Variants in DLGAP1 observed in about 807,000 individuals in gnomAD.
DLGAP1 encodes the protein disks large-associated protein 1.
DLGAP1 carries 11 observed loss-of-function variants against 90.8 expected under a neutral mutation model. The ratio of observed to expected loss-of-function variants is 0.12; its 90% CI spans 0.08 to 0.20. The LOEUF (loss-of-function observed/expected upper bound fraction) is 0.20. Among genes scored for constraint, DLGAP1 ranks in the 10% least tolerant of loss-of-function variants. The probability of loss-of-function intolerance (pLI) is 1.00; values close to 1 mark genes in which losing one functional copy is unlikely to be tolerated. For missense variants in DLGAP1, 1,050 were observed against 1,333.8 expected, an observed-to-expected ratio of 0.79 and a Z score of 3.31; for synonymous variants, 558 against 540.7, an observed-to-expected ratio of 1.03 and a Z score of -0.44.
intron 7 of DLGAP1, among the ~76,000 whole-genome samples, chr18:3,643,608 AGCTGAGATCGC>A (rs2059015955): frequency 7.1e-6 from 1 of 139,980 alleles, no homozygotes; most frequent in Non-Finnish European, 1.5e-5. Flanking sequence ...GGTTGCAGTG[AGCTGAGATCGC>A]GCCACTGCAC....
intron 5 of DLGAP1, among the ~76,000 whole-genome samples, chr18:3,803,721 C>T (rs145800787): frequency 3.8e-4 from 58 of 152,030 alleles, no homozygotes; most frequent in South Asian, 2.7e-3. Flanking sequence ...GCCGAAGACC[C>T]AGGCTCTGCC....
chr18:4,392,071 C>T lies in DLGAP1; in HGVS notation c.-267+62935G>A, dbSNP rs190469082. Among the ~76,000 whole-genome samples, 783 of 152,256 alleles carry T rather than the reference C, an allele frequency of 5.1e-3. 5 individuals carry two copies. The highest frequency in any genetic ancestry group is 0.02 in the Middle Eastern group (6 of 294). On this transcript the variant is annotated intron_variant, in intron 1 of 12. Transcript: ENST00000315677. ...TTCTCATGAACCGAAAGTTCAATTT[C>T]CCCTGACGAAAGTGGGTCAAGGGAA... is the stretch of plus-strand genomic sequence containing the variant.
intron 2 of DLGAP1, among the ~76,000 whole-genome samples, chr18:4,128,277 A>C (rs149162231): frequency 2.2e-3 from 333 of 152,298 alleles, no homozygotes; most frequent in Admixed American, 6.0e-3. Context: ...TTTACATTGT[A>C]CTATGTACTA....
At chr18:3,723,071 A>C (rs1037151925) in intron 7 of DLGAP1, among the ~76,000 whole-genome samples, 2 of 152,194 alleles carry the variant, frequency 1.3e-5, no homozygotes, top group African/African-American at 4.8e-5. Context: ...TAGGTGCAGC[A>C]GACTTTCTCT....
chr18:3,920,352 CAAAA>C (rs34353326), intron 3 of DLGAP1, among the ~76,000 whole-genome samples: 2 of 75,532 alleles, frequency 2.6e-5, no homozygotes, highest in African/African-American at 5.4e-5. Context: ...AGACTCTGTC[CAAAA>C]AAAAAAAAAA....
At chr18:4,150,956 T>C (rs886568578) in intron 2 of DLGAP1, among the ~76,000 whole-genome samples, 1 of 152,176 alleles carries the variant, frequency 6.6e-6, no homozygotes, top group African/African-American at 2.4e-5. Context: ...ATTAAATATA[T>C]AAAATACATC....
chr18:3,870,607 TC>T (rs1483870172), intron 4 of DLGAP1, among the ~76,000 whole-genome samples: 4 of 82,828 alleles, frequency 4.8e-5, no homozygotes, highest in African/African-American at 1.5e-4. Context: ...CATAAATACA[TC>T]TATCTATCTA....
chr18:4,170,571 G>C (rs1323246005), intron 1 of DLGAP1, among the ~76,000 whole-genome samples: 1 of 152,076 alleles, frequency 6.6e-6, no homozygotes, highest in Non-Finnish European at 1.5e-5. Context: ...AACTGGATAT[G>C]AGATATAAGA....
Position 3,831,891 on chromosome 18 carries a change from C to G in DLGAP1, c.958-17618G>C, listed in dbSNP as rs1284874402. 2.0e-5 allele frequency among the ~76,000 whole-genome samples: 3 copies of G among 152,182 alleles called. No homozygotes were observed. In the East Asian group the frequency reaches 5.8e-4, roughly 29 times the overall value. ...ATAGGAGGGACTCAGCCTTTGGAAA[C>G]TTCATATTTTGTGTCAAGCCTGTGC... On this transcript the variant is annotated intron_variant, in intron 4 of 12. Transcript: ENST00000315677.
At chr18:4,319,557 T>C (rs1014146634) in intron 1 of DLGAP1, among the ~76,000 whole-genome samples, 4 of 152,128 alleles carry the variant, frequency 2.6e-5, no homozygotes, top group African/African-American at 9.7e-5. Flanking sequence ...TGTAGAATGA[T>C]ATAGAAAGGT....
intron 1 of DLGAP1, among the ~76,000 whole-genome samples, chr18:4,436,743 C>T (rs993069996): frequency 1.3e-5 from 2 of 152,126 alleles, no homozygotes; most frequent in African/African-American, 4.8e-5. Context: ...CGGGTAAGTT[C>T]CTTCTTGGAT....
intron 3 of DLGAP1, among the ~76,000 whole-genome samples, chr18:3,959,474 C>T (rs1002587762): frequency 2.0e-5 from 3 of 152,056 alleles, no homozygotes; most frequent in Admixed American, 2.0e-4. Flanking sequence ...CGAGACCAGC[C>T]TGACCAACAT....
At chr18:3,865,177 A>T (rs1172387100) in intron 4 of DLGAP1, among the ~76,000 whole-genome samples, 1 of 152,208 alleles carries the variant, frequency 6.6e-6, no homozygotes, top group Non-Finnish European at 1.5e-5. Context: ...ATCATTTCAG[A>T]AGCAGACATT....
In DLGAP1 at chr18:3,508,594, G is replaced by A. The variant is rs1325625807; in HGVS notation, c.2547C>T (p.Phe849=). Residue 849 remains phenylalanine (F), a synonymous_variant, in exon 11 of 13, where the codon TTC becomes TTT. Transcript: ENST00000315677. ...QLLMAQKFYQ[F]RELCEENLNP... ...CCAGGTTTTCTTCACACAGTTCTCT[G>A]AACTGGTAGAATTTCTGGGCCATGA... 1 of 1,613,744 alleles carries A rather than the reference G, an allele frequency of 6.2e-7. No homozygotes were observed. The highest frequency in any genetic ancestry group is 1.3e-5 in the African/African-American group (1 of 74,920).
At chr18:3,501,629 G>A in intron 12 of DLGAP1, among the ~76,000 whole-genome samples, 1 of 152,152 alleles carries the variant, frequency 6.6e-6, no homozygotes. Context: ...TTTCTGGTAG[G>A]TGAGGGGACC....
chr18:3,520,117 T>C (rs903344416), intron 10 of DLGAP1, among the ~76,000 whole-genome samples: 3 of 152,194 alleles, frequency 2.0e-5, no homozygotes, highest in African/African-American at 4.8e-5. Context: ...ATAGTCTTAA[T>C]GTTCTGTGTC....
intron 1 of DLGAP1, among the ~76,000 whole-genome samples, chr18:4,184,660 T>G (rs1016766873): frequency 4.6e-5 from 7 of 152,158 alleles, no homozygotes; most frequent in Admixed American, 2.6e-4. Flanking sequence ...AACATCACCC[T>G]GCCTTTCCTT....
At chr18:4,190,221 G>C (rs1229483529) in intron 1 of DLGAP1, among the ~76,000 whole-genome samples, 2 of 152,044 alleles carry the variant, frequency 1.3e-5, no homozygotes, top group South Asian at 4.1e-4. Flanking sequence ...AAGACATGGA[G>C]GAAGTTGAAA....
At chr18:4,286,862 C>T (rs2079708125) in intron 1 of DLGAP1, among the ~76,000 whole-genome samples, 1 of 151,938 alleles carries the variant, frequency 6.6e-6, no homozygotes, top group African/African-American at 2.4e-5. Context: ...GGGTTGAGGG[C>T]TGAAATACAG....
Sources: allele counts gnomAD v4.1 joint callset (sites outside exome capture counted in the v4.1 genomes callset), GRCh38; gene constraint gnomAD v4.1.1; transcripts MANE v1.5; gene names NCBI Gene and HGNC (gene_info 2026-07-23, HGNC 2026-07-21).